Variants in LRRN3 observed in about 807,000 individuals in gnomAD.
LRRN3 encodes the protein leucine rich repeat neuronal 3, also known as leucine-rich repeat neuronal protein 3.
A neutral mutation model predicts 40.1 loss-of-function variants in LRRN3; 15 were observed. That is an observed-to-expected ratio of 0.37 (90% CI 0.25 to 0.58). The LOEUF is 0.58. Among genes scored for constraint, LRRN3 ranks in the 20% least tolerant of loss-of-function variants. The probability of loss-of-function intolerance (pLI) is 0.72; values close to 1 mark genes in which losing one functional copy is unlikely to be tolerated. For synonymous variants in LRRN3, 308 were observed against 297.2 expected (o/e 1.04, Z -0.37); for missense variants, 746 against 837.7 (o/e 0.89, Z 1.35).
intron 2 of LRRN3, among the ~76,000 whole-genome samples, chr7:111,100,211 G>A (rs889878297): frequency 2.6e-5 from 4 of 151,436 alleles, no homozygotes; most frequent in African/African-American, 7.3e-5. Context: ...TGATTTCTGA[G>A]ATTTTGGTGC....
Position 111,122,665 on chromosome 7 carries a change from A to G in LRRN3, c.-108A>G. ...ACTTTGTGGTTCTATGGCATTCATCATTTGACAAATGCAAGCATCTTCCTT... is the reference window on the plus strand; with the variant it reads ...ACTTTGTGGTTCTATGGCATTCATCGTTTGACAAATGCAAGCATCTTCCTT... On this transcript the variant is annotated 5_prime_UTR_variant, in exon 3 of 3. Coordinates refer to ENST00000308478, the MANE Select transcript of LRRN3 (RefSeq NM_001099658.2). 1.1e-6 allele frequency: 1 copy of G among 873,702 alleles called. No homozygotes were observed. The highest frequency in any genetic ancestry group is 1.8e-6 in the Non-Finnish European group (1 of 558,790). 54.1% of individuals were successfully genotyped at this position (873,702 alleles called of 1,614,324 possible). A position where few individuals can be genotyped will look rare whatever the true frequency, so the allele number is the denominator to read the frequency against.
intron 2 of LRRN3, among the ~76,000 whole-genome samples, chr7:111,114,712 C>T (rs1180522414): frequency 6.8e-6 from 1 of 147,854 alleles, no homozygotes; most frequent in Non-Finnish European, 1.5e-5. Flanking sequence ...TGCCCTCTAG[C>T]CTGGGCAACA....
chr7:111,124,162 C>T lies in LRRN3; in HGVS notation c.1390C>T (p.Leu464Phe). 1 of 1,613,964 alleles carries T rather than the reference C, an allele frequency of 6.2e-7. No homozygotes were observed. Reference sequence around the variant, plus strand: ...CTGGATAACACCTTCTGGTCAAAAACTCTTGCCTAATACCCTGACAGACAA... The same window carrying T: ...CTGGATAACACCTTCTGGTCAAAAATTCTTGCCTAATACCCTGACAGACAA... ...IYWITPSGQKLLPNTLTDKFY... is the reference protein window; with the variant it reads ...IYWITPSGQKFLPNTLTDKFY... The change falls in exon 3 of 3, where the codon CTC becomes TTC. Residue 464 changes from leucine (L) to phenylalanine (F), a missense_variant. Physicochemically the swap from Leu to Phe is conservative, Grantham distance 22. Transcript: ENST00000308478.
chr7:111,097,741 C>G (rs1213624890), intron 1 of LRRN3, among the ~76,000 whole-genome samples: 1 of 151,778 alleles, frequency 6.6e-6, no homozygotes, highest in East Asian at 1.9e-4. Context: ...TTTATCAAAA[C>G]TCAGTCACTC....
At chr7:111,114,133 T>TACAC (rs71151831) in intron 2 of LRRN3, among the ~76,000 whole-genome samples, 11,505 of 146,588 alleles carry the variant, frequency 0.078, 505 homozygotes, top group African/African-American at 0.12. Flanking sequence ...CACATAAATC[T>TACAC]ACACACACAC....
At chr7:111,099,543 G>A (rs1000999300) in intron 1 of LRRN3, among the ~76,000 whole-genome samples, 4 of 151,630 alleles carry the variant, frequency 2.6e-5, no homozygotes, top group Non-Finnish European at 5.9e-5. Flanking sequence ...GTCACCTCCT[G>A]AAAGGGCTAT....
intron 2 of LRRN3, among the ~76,000 whole-genome samples, chr7:111,116,346 A>T (rs2129585632): frequency 6.6e-6 from 1 of 152,342 alleles, no homozygotes; most frequent in South Asian, 2.1e-4. Context: ...TATAATGATA[A>T]TAAGAGGATT....
chr7:111,101,457 T>C (rs953184974), intron 2 of LRRN3, among the ~76,000 whole-genome samples: 2 of 151,570 alleles, frequency 1.3e-5, no homozygotes, highest in Non-Finnish European at 3.0e-5. Context: ...TCCATACTTA[T>C]TTTCTGCACA....
In LRRN3 at chr7:111,124,034, C is replaced by T; in HGVS notation, c.1262C>T (p.Pro421Leu). ...AGGGACATGATGGAAATTTGTCTCC[C>T]TCTTATAGCTCCTGAGAGCTTTCCT... ...HFRDMMEICL[P>L]LIAPESFPSN... The change falls in exon 3 of 3, where the codon CCT (proline) becomes CTT (leucine). Residue 421 changes from proline to leucine, a missense_variant. Physicochemically the swap from Pro to Leu is moderately conservative, Grantham distance 98 (BLOSUM62 -3). Coordinates refer to ENST00000308478, the MANE Select transcript of LRRN3 (RefSeq NM_001099658.2). 6.2e-7 allele frequency: 1 copy of T among 1,614,042 alleles called. No homozygotes were observed. Among genetic ancestry groups the T allele is most frequent in the Non-Finnish European group, 8.5e-7 (1 of 1,179,980 alleles).
intron 2 of LRRN3, among the ~76,000 whole-genome samples, chr7:111,101,216 T>C (rs534222780): frequency 6.6e-6 from 1 of 151,684 alleles, no homozygotes; most frequent in Admixed American, 6.6e-5. Context: ...TCTAAGATAA[T>C]ATCTTACCAC....
chr7:111,123,506 A>G lies in LRRN3; in HGVS notation c.734A>G (p.Asp245Gly), dbSNP rs766534500. 2.5e-6 allele frequency: 4 copies of G among 1,613,798 alleles called. No individual in the cohort carries two copies. Among genetic ancestry groups the G allele is most frequent in the Non-Finnish European group, 1.7e-6 (2 of 1,179,950 alleles). ...LENLESISFYDNRLIKVPHVA... is the reference protein window; with the variant it reads ...LENLESISFYGNRLIKVPHVA... ...AACTTAGAAAGCATCTCTTTTTACG[A>G]TAACAGGCTTATTAAAGTACCCCAT... Residue 245 changes from aspartate to glycine, a missense_variant, in exon 3 of 3, where the codon GAT becomes GGT. Asp to Gly is a moderately conservative substitution (Grantham distance 94, BLOSUM62 -1). Transcript: ENST00000308478. The surrounding 1 kb of genome is among the most constrained non-coding windows in gnomAD (Gnocchi z 6.4).
chr7:111,094,188 A>G (rs1289279045), intron 1 of LRRN3, among the ~76,000 whole-genome samples: 1 of 152,058 alleles, frequency 6.6e-6, no homozygotes, highest in Non-Finnish European at 1.5e-5. Flanking sequence ...ACATGGCACT[A>G]TGGTATTTAT....
intron 2 of LRRN3, among the ~76,000 whole-genome samples, chr7:111,114,161 CAT>C (rs1799566139): frequency 1.3e-5 from 2 of 151,760 alleles, no homozygotes; most frequent in South Asian, 4.2e-4. Context: ...CACACACACA[CAT>C]TTTTGCCAGG....
chr7:111,093,569 A>C (rs1451251912), intron 1 of LRRN3, among the ~76,000 whole-genome samples: 1 of 152,172 alleles, frequency 6.6e-6, no homozygotes, highest in African/African-American at 2.4e-5. Context: ...CTTATTTTAA[A>C]ATTGCAATAG....
intron 2 of LRRN3, among the ~76,000 whole-genome samples, chr7:111,118,521 T>C (rs1800167778): frequency 1.3e-5 from 2 of 152,086 alleles, no homozygotes; most frequent in East Asian, 1.9e-4. Flanking sequence ...CATTTATTTG[T>C]TGTGTGGTAT....
At position 111,123,559 on chromosome 7, in the gene LRRN3, A is replaced by T; in HGVS notation, c.787A>T (p.Lys263Ter). 6.2e-7 allele frequency: 1 copy of T among 1,613,760 alleles called. No individual in the cohort carries two copies. Among genetic ancestry groups the T allele is most frequent in the Non-Finnish European group, 8.5e-7 (1 of 1,179,818 alleles). ...HVALQKVVNL[K>*]FLDLNKNPIN... ...TGCTCTTCAAAAAGTTGTAAATCTC[A>T]AATTTTTGGATCTAAATAAAAATCC... is the stretch of plus-strand genomic sequence containing the variant. The change falls in exon 3 of 3, where the codon AAA becomes TAA. Residue 263 changes from lysine (K) to a stop codon, truncating the protein, a stop_gained. Coordinates refer to ENST00000308478, the MANE Select transcript of LRRN3 (RefSeq NM_001099658.2). LOFTEE classifies it high-confidence loss of function. This position sits in a 1 kb window ranked among gnomAD's most constrained non-coding sequence, Gnocchi z 6.4.
In LRRN3 at chr7:111,123,825, TG is replaced by T; in HGVS notation, c.1055del (p.Gly352ValfsTer28). 1.9e-6 allele frequency: 3 copies of T among 1,613,980 alleles called. No individual in the cohort carries two copies. The highest frequency in any genetic ancestry group is 2.5e-6 in the Non-Finnish European group (3 of 1,179,974). Reference sequence around the variant, plus strand: ...GCAATGCTCTCAGTGCCCTGTACCATGGTACCATTGAGTCTCTGCCAAACCT... The same window carrying T: ...GCAATGCTCTCAGTGCCCTGTACCATGTACCATTGAGTCTCTGCCAAACCT... Reference protein sequence around the residue: ...NSNALSALYHGTIESLPNLKE... With the variant: ...NSNALSALYHXTIESLPNLKE... On this transcript the variant is annotated frameshift_variant, in exon 3 of 3. Coordinates refer to ENST00000308478, the MANE Select transcript of LRRN3 (RefSeq NM_001099658.2). LOFTEE classifies it high-confidence loss of function. The surrounding 1 kb of genome is among the most constrained non-coding windows in gnomAD (Gnocchi z 6.4).
intron 2 of LRRN3, among the ~76,000 whole-genome samples, chr7:111,111,990 C>G (rs1218079834): frequency 7.3e-6 from 1 of 136,654 alleles, no homozygotes; most frequent in African/African-American, 2.9e-5. Flanking sequence ...CTCTGTCTCC[C>G]AGGCTGGAGT....
chr7:111,105,704 TC>T (rs1798470302), intron 2 of LRRN3, among the ~76,000 whole-genome samples: 1 of 151,828 alleles, frequency 6.6e-6, no homozygotes, highest in Non-Finnish European at 1.5e-5. Flanking sequence ...ATGGGCTTGC[TC>T]TCTGTTGTTT....
Sources: gnomAD v4.1 joint callset for allele counts (sites outside exome capture counted in the v4.1 genomes callset) on GRCh38, gnomAD v4.1.1 for gene constraint, Gnocchi (gnomAD v3.1) non-coding constraint, MANE v1.5 for transcripts, NCBI Gene and HGNC (gene_info 2026-07-23, HGNC 2026-07-21) for gene names.